The following GKAP1 variants were observed in gnomAD, a reference collection of about 807,000 sequenced individuals.
GKAP1 encodes G kinase-anchoring protein 1.
Under a neutral mutation model 56.7 loss-of-function variants are expected in GKAP1, and 31 were observed. The observed-to-expected ratio is 0.55, with a 90% CI of 0.41 to 0.74. GKAP1 has a LOEUF of 0.74. GKAP1 is among the 30% of genes least tolerant of loss of function. GKAP1 has a pLI of 0.00. For synonymous variants in GKAP1, 151 were observed against 138.6 expected, an observed-to-expected ratio of 1.09 and a Z score of -0.63; for missense variants, 364 against 402.3, an observed-to-expected ratio of 0.90 and a Z score of 0.82.
chr9:83,769,944 T>A (rs770004721), intron 7 of GKAP1, among the ~76,000 whole-genome samples: 48 of 152,208 alleles, frequency 3.2e-4, no homozygotes, highest in Non-Finnish European at 6.2e-4. Context: ...CAGTCGCATT[T>A]CCCTGACAGC....
chr9:83,800,330 C>CG (rs1409061702), intron 3 of GKAP1, among the ~76,000 whole-genome samples: 7 of 142,140 alleles, frequency 4.9e-5, no homozygotes, highest in Non-Finnish European at 3.1e-5. Context: ...TGCCTCCTTA[C>CG]GTTTTTTTTT....
rs546894548 is a variant in GKAP1, at chr9:83,786,567, A to G, written c.439-1729T>C. ...AAAAAAAAAAAAGAAAAAAGAAGAA[A>G]AGAAAAGAAAAAGAAAATGCCATCC... is the stretch of plus-strand genomic sequence containing the variant. On this transcript the variant is annotated intron_variant, in intron 5 of 12. Transcript: ENST00000376371. Among the ~76,000 whole-genome samples, 57 of 152,186 alleles carry G rather than the reference A, an allele frequency of 3.7e-4. 1 individual carries two copies. The highest frequency in any genetic ancestry group is 1.3e-3 in the African/African-American group (55 of 41,520).
chr9:83,802,274 T>A (rs1165975121), intron 3 of GKAP1, among the ~76,000 whole-genome samples: 1 of 151,614 alleles, frequency 6.6e-6, no homozygotes, highest in African/African-American at 2.4e-5. Context: ...AGGTCAGGAG[T>A]TCCAGACCAG....
At chr9:83,771,644 C>T (rs1197215653) in intron 7 of GKAP1, among the ~76,000 whole-genome samples, 3 of 151,908 alleles carry the variant, frequency 2.0e-5, no homozygotes, top group African/African-American at 4.8e-5. Context: ...AGTATTATTT[C>T]CCCCCCAAGT....
At chr9:83,781,430 C>A (rs1158407765) in intron 6 of GKAP1, among the ~76,000 whole-genome samples, 1 of 152,164 alleles carries the variant, frequency 6.6e-6, no homozygotes, top group Non-Finnish European at 1.5e-5. Context: ...TAATACTTAA[C>A]AATGCTTCTT....
At chr9:83,806,093 G>C (rs1433552935) in intron 3 of GKAP1, among the ~76,000 whole-genome samples, 6 of 151,904 alleles carry the variant, frequency 3.9e-5, no homozygotes, top group Non-Finnish European at 8.8e-5. Context: ...CTCCAGCCTA[G>C]GTGACAGAGT....
In GKAP1 at chr9:83,809,385, C is replaced by T. The variant is rs142400659; in HGVS notation, c.-43-2825G>A. ...GGTGCTCCTCAGTGGGTAGCTCCTGCACATGCTGCTCTGGAGTTATGTCAA... is the reference window on the plus strand; with the variant it reads ...GGTGCTCCTCAGTGGGTAGCTCCTGTACATGCTGCTCTGGAGTTATGTCAA... On this transcript the variant is annotated intron_variant, in intron 2 of 12. Coordinates refer to ENST00000376371, the MANE Select transcript of GKAP1 (RefSeq NM_025211.4). Among the ~76,000 whole-genome samples the T allele has an allele frequency of 8.9e-4, 135 of 152,338 alleles. No homozygotes were observed. The East Asian group carries it at 0.019, about 21-fold the overall frequency.
chr9:83,759,287 G>A (rs1943530320), intron 8 of GKAP1, among the ~76,000 whole-genome samples: 1 of 151,814 alleles, frequency 6.6e-6, no homozygotes, highest in Non-Finnish European at 1.5e-5. Context: ...TTGAGACAGG[G>A]TCTTGCTTCA....
At chr9:83,745,077 G>A (rs1273871766) in intron 10 of GKAP1, among the ~76,000 whole-genome samples, 1 of 152,178 alleles carries the variant, frequency 6.6e-6, no homozygotes, top group East Asian at 1.9e-4. Flanking sequence ...TCACTCTGTT[G>A]CCCAGGCTGG....
At chr9:83,741,510 C>A (rs1943208427) in intron 12 of GKAP1, among the ~76,000 whole-genome samples, 1 of 151,950 alleles carries the variant, frequency 6.6e-6, no homozygotes, top group Non-Finnish European at 1.5e-5. Flanking sequence ...AAAAAAGGCA[C>A]AAATATCAAT....
intron 4 of GKAP1, among the ~76,000 whole-genome samples, chr9:83,790,795 G>A (rs1363430016): frequency 1.3e-5 from 2 of 152,032 alleles, no homozygotes; most frequent in Non-Finnish European, 2.9e-5. Context: ...CTAGATGACA[G>A]AGTGGGACTC....
At chr9:83,799,397 T>TAA in intron 3 of GKAP1, 69 bp from the exon 4 acceptor site, 2 of 1,138,398 alleles carry the variant, frequency 1.8e-6, no homozygotes, top group Non-Finnish European at 1.2e-6. Flanking sequence ...TTTTTTTAAT[T>TAA]AAAAAAAAAC....
rs1264507137 is a variant in GKAP1, at chr9:83,788,644, T to G, written c.395A>C (p.Lys132Thr). The change falls in exon 5 of 13, where the codon AAG becomes ACG. Residue 132 changes from lysine to threonine, a missense_variant. Coordinates refer to ENST00000376371, the MANE Select transcript of GKAP1 (RefSeq NM_025211.4). ...TSEMFEADLEKALLLSKLEYE... is the reference protein window; with the variant it reads ...TSEMFEADLETALLLSKLEYE... ...TTCTAGTTTACTTAGTAACAATGCC[T>G]TCTCAAGATCTGCTTCAAACATTTC... The G allele has an allele frequency of 6.2e-7, 1 of 1,605,858 alleles. No homozygotes were observed. Among genetic ancestry groups the G allele is most frequent in the South Asian group, 1.1e-5 (1 of 90,282 alleles).
intron 4 of GKAP1, among the ~76,000 whole-genome samples, chr9:83,791,248 A>G (rs1944153419): frequency 6.6e-6 from 1 of 151,948 alleles, no homozygotes. Flanking sequence ...TAAAAATACA[A>G]AAAAATTAGC....
intron 8 of GKAP1, among the ~76,000 whole-genome samples, chr9:83,767,729 C>T (rs1160873952): frequency 6.6e-6 from 1 of 152,108 alleles, no homozygotes; most frequent in Non-Finnish European, 1.5e-5. Context: ...GCTCTGTCAC[C>T]CAGACTGGAG....
chr9:83,752,935 G>A (rs990816438), intron 9 of GKAP1, among the ~76,000 whole-genome samples: 2 of 151,956 alleles, frequency 1.3e-5, no homozygotes, highest in African/African-American at 4.8e-5. Flanking sequence ...GCCGGGCGTG[G>A]TGGCTCATGC....
At chr9:83,769,625 T>G (rs1398939835) in intron 7 of GKAP1, among the ~76,000 whole-genome samples, 1 of 152,228 alleles carries the variant, frequency 6.6e-6, no homozygotes, top group Non-Finnish European at 1.5e-5. Flanking sequence ...CATTTGTTGG[T>G]TGATAGACAT....
intron 4 of GKAP1, among the ~76,000 whole-genome samples, chr9:83,796,554 G>C (rs1944251050): frequency 6.6e-6 from 1 of 151,900 alleles, no homozygotes; most frequent in African/African-American, 2.4e-5. Context: ...CACAACCTCT[G>C]CCTCCTGGGC....
chr9:83,789,435 C>T (rs1944118225), intron 4 of GKAP1, among the ~76,000 whole-genome samples: 1 of 152,128 alleles, frequency 6.6e-6, no homozygotes, highest in Non-Finnish European at 1.5e-5. Context: ...GGGTTTGCAG[C>T]TGTATATAAG....
Sources: allele counts gnomAD v4.1 joint callset (sites outside exome capture counted in the v4.1 genomes callset), GRCh38; gene constraint gnomAD v4.1.1; transcripts MANE v1.5; gene names NCBI Gene and HGNC (gene_info 2026-07-23, HGNC 2026-07-21).